The following ASIC2 variants were observed in gnomAD, a reference collection of about 807,000 sequenced individuals.
The protein encoded by ASIC2 is acid-sensing ion channel 2.
ASIC2 carries 25 observed loss-of-function variants against 57.3 expected under a neutral mutation model. The observed-to-expected ratio is 0.44, with a 90% CI of 0.32 to 0.61. ASIC2 has a LOEUF of 0.61. Among genes scored for constraint, ASIC2 ranks in the 20% least tolerant of loss-of-function variants. ASIC2 has a pLI of 0.06. For missense variants in ASIC2, 641 were observed against 738.1 expected, an observed-to-expected ratio of 0.87 and a Z score of 1.52; for synonymous variants, 319 against 307.5, an observed-to-expected ratio of 1.04 and a Z score of -0.39.
At chr17:33,926,580 C>G (rs57124376) in intron 1 of ASIC2, among the ~76,000 whole-genome samples, 1 of 152,286 alleles carries the variant, frequency 6.6e-6, no homozygotes, top group African/African-American at 2.4e-5. Flanking sequence ...ATGTGGACAA[C>G]CTGTGGTTGC....
intron 1 of ASIC2, among the ~76,000 whole-genome samples, chr17:33,485,022 T>C (rs774933946): frequency 5.5e-4 from 83 of 152,248 alleles, no homozygotes; most frequent in Non-Finnish European, 1.0e-3. Flanking sequence ...TGTTTTCTTC[T>C]ACTCTACCAC....
chr17:33,464,526 T>TCTCTC (rs1912774471), intron 1 of ASIC2, among the ~76,000 whole-genome samples: 1 of 39,146 alleles, frequency 2.6e-5, no homozygotes, highest in African/African-American at 1.0e-4. Flanking sequence ...CTTTCTTTCT[T>TCTCTC]TCTTTCTTTC....
chr17:33,462,614 T>A, intron 1 of ASIC2, among the ~76,000 whole-genome samples: 1 of 152,206 alleles, frequency 6.6e-6, no homozygotes, highest in East Asian at 1.9e-4. Context: ...AACCTGTACC[T>A]TTACAAAATA....
intron 1 of ASIC2, among the ~76,000 whole-genome samples, chr17:33,845,174 G>C (rs1913546149): frequency 6.6e-6 from 1 of 152,222 alleles, no homozygotes; most frequent in Non-Finnish European, 1.5e-5. Context: ...TGCAAGTCAA[G>C]TTAGTGCTAT....
chr17:33,972,099 A>C (rs1219844095), intron 1 of ASIC2, among the ~76,000 whole-genome samples: 1 of 152,226 alleles, frequency 6.6e-6, no homozygotes, highest in African/African-American at 2.4e-5. Context: ...AGGTTGAATA[A>C]TGTTGGGAAC....
intron 1 of ASIC2, among the ~76,000 whole-genome samples, chr17:34,074,804 G>A (rs561863351): frequency 3.3e-3 from 79 of 24,214 alleles, no homozygotes; most frequent in African/African-American, 0.013. Context: ...TTTTTTTTTT[G>A]AGACAGAGTC....
chr17:33,443,406 AT>A (rs779597047), intron 1 of ASIC2, among the ~76,000 whole-genome samples: 353 of 75,252 alleles, frequency 4.7e-3, no homozygotes, highest in Middle Eastern at 0.014. Context: ...GGAGGGTAAG[AT>A]TTTTTTTTTT....
intron 1 of ASIC2, among the ~76,000 whole-genome samples, chr17:33,173,826 A>C (rs1905625346): frequency 6.6e-6 from 1 of 152,224 alleles, no homozygotes. Context: ...AGCTACAGGC[A>C]CTGTGCCTAA....
chr17:33,815,724 C>T (rs910856818), intron 1 of ASIC2, among the ~76,000 whole-genome samples: 3 of 152,148 alleles, frequency 2.0e-5, no homozygotes, highest in Non-Finnish European at 4.4e-5. Context: ...TTTGTTTACT[C>T]GCTTTACTGT....
chr17:33,908,200 G>A (rs966387127), intron 1 of ASIC2, among the ~76,000 whole-genome samples: 1 of 152,222 alleles, frequency 6.6e-6, no homozygotes, highest in Non-Finnish European at 1.5e-5. Context: ...GTCACGTTGA[G>A]TGGGCAGTAG....
intron 1 of ASIC2, among the ~76,000 whole-genome samples, chr17:33,683,785 C>T (rs889260558): frequency 1.3e-5 from 2 of 152,132 alleles, no homozygotes; most frequent in African/African-American, 4.8e-5. Flanking sequence ...TCAAGCAATC[C>T]TCCCACAATG....
intron 1 of ASIC2, among the ~76,000 whole-genome samples, chr17:33,587,952 G>A (rs962489136): frequency 1.3e-5 from 2 of 152,128 alleles, no homozygotes; most frequent in African/African-American, 2.4e-5. Context: ...CTTCATAACA[G>A]TCTCACTTGA....
intron 1 of ASIC2, among the ~76,000 whole-genome samples, chr17:33,507,478 T>C (rs539104283): frequency 6.6e-6 from 1 of 152,380 alleles, no homozygotes; most frequent in Admixed American, 6.5e-5. Context: ...CATCCTCTTA[T>C]GCCAAGGATC....
intron 1 of ASIC2, among the ~76,000 whole-genome samples, chr17:33,122,526 T>C (rs2092306957): frequency 6.6e-6 from 1 of 152,206 alleles, no homozygotes; most frequent in African/African-American, 2.4e-5. Context: ...TGATGTTTTT[T>C]GGTTTTGTTT....
At chr17:33,279,909 T>C (rs1298821735) in intron 1 of ASIC2, among the ~76,000 whole-genome samples, 1 of 152,128 alleles carries the variant, frequency 6.6e-6, no homozygotes, top group Non-Finnish European at 1.5e-5. Context: ...AGATAACAAA[T>C]GGGAGGCACA....
intron 1 of ASIC2, among the ~76,000 whole-genome samples, chr17:33,918,571 T>G (rs1425180482): frequency 6.6e-6 from 1 of 152,192 alleles, no homozygotes; most frequent in Non-Finnish European, 1.5e-5. Context: ...GGTTATGAAT[T>G]ATCAACCACC....
rs998007844 is a variant in ASIC2, at chr17:33,420,441, C to G, written c.556-308374G>C. Among the ~76,000 whole-genome samples the G allele has an allele frequency of 2.6e-5, 4 of 152,282 alleles. No individual in the cohort carries two copies. The East Asian group carries it at 5.8e-4, about 22-fold the overall frequency. On this transcript the variant is annotated intron_variant, in intron 1 of 9. Transcript: ENST00000359872. The stretch of plus-strand genomic sequence containing the variant: ...GCCTCACAAATGGATGAACGGGGCA[C>G]AGAATTCCAGTTGGAGAGAAAAACA...
At chr17:33,721,926 A>T (rs978006205) in intron 1 of ASIC2, among the ~76,000 whole-genome samples, 1 of 152,274 alleles carries the variant, frequency 6.6e-6, no homozygotes, top group African/African-American at 2.4e-5. Context: ...ATGAAGGCAC[A>T]TCAAAAGACA....
chr17:33,093,397 C>T (rs1598271652), intron 2 of ASIC2, among the ~76,000 whole-genome samples: 1 of 143,770 alleles, frequency 7.0e-6, no homozygotes, highest in Non-Finnish European at 1.5e-5. Context: ...GATTTGTTTA[C>T]ACATCATGAA....
Sources: allele counts gnomAD v4.1 joint callset (sites outside exome capture counted in the v4.1 genomes callset), GRCh38; gene constraint gnomAD v4.1.1; transcripts MANE v1.5; gene names NCBI Gene and HGNC (gene_info 2026-07-23, HGNC 2026-07-21).